CRIM1: variants seen among roughly 807,000 people sequenced by gnomAD.
The protein encoded by CRIM1 is cysteine rich transmembrane BMP regulator 1, also known as cysteine-rich motor neuron 1 protein.
In CRIM1, 32 loss-of-function variants were observed where a neutral mutation model predicts 116.4. The observed-to-expected ratio is 0.27, with a 90% CI of 0.21 to 0.37. The LOEUF is 0.37. Ranked by LOEUF, CRIM1 falls within the 10% of genes least tolerant of loss-of-function variation. CRIM1 has a pLI of 1.00. For synonymous variants in CRIM1, 590 were observed against 509.2 expected (o/e 1.16, Z -2.13); for missense variants, 1,331 against 1,354.8 (o/e 0.98, Z 0.28).
chr2:36,445,518 A>T (rs1179502), intron 4 of CRIM1, among the ~76,000 whole-genome samples: 106,831 of 152,150 alleles, frequency 0.7, 37,633 homozygotes, highest in East Asian at 0.9. Context: ...ACTTTCATAC[A>T]TTGTTACTGA....
At chr2:36,540,452 G>A (rs1666870263) in intron 14 of CRIM1, among the ~76,000 whole-genome samples, 1 of 152,188 alleles carries the variant, frequency 6.6e-6, no homozygotes, top group African/African-American at 2.4e-5. Context: ...AAGGACAGAT[G>A]TGCTGTCTTC....
intron 5 of CRIM1, among the ~76,000 whole-genome samples, chr2:36,470,053 C>T (rs917756480): frequency 1.3e-5 from 2 of 152,076 alleles, no homozygotes; most frequent in African/African-American, 4.8e-5. Flanking sequence ...TTAGCAAGAC[C>T]AGATATTTAT....
At chr2:36,501,847 G>T (rs894059232) in intron 8 of CRIM1, among the ~76,000 whole-genome samples, 9 of 152,166 alleles carry the variant, frequency 5.9e-5, no homozygotes, top group African/African-American at 9.7e-5. Flanking sequence ...GTTCGGGGAA[G>T]GGTCAGTCCC....
chr2:36,459,398 G>C (rs992953027), intron 4 of CRIM1, among the ~76,000 whole-genome samples: 2 of 152,000 alleles, frequency 1.3e-5, no homozygotes, highest in African/African-American at 4.8e-5. Context: ...AACAATACAT[G>C]GTCTAACCCC....
chr2:36,414,645 A>T (rs2124824110), intron 2 of CRIM1, among the ~76,000 whole-genome samples: 1 of 152,344 alleles, frequency 6.6e-6, no homozygotes, highest in South Asian at 2.1e-4. Flanking sequence ...GAAAGGTAAG[A>T]AGGAGCTGGC....
rs559465903 is a variant in CRIM1 at position 36,367,400 on chromosome 2, A to G, written c.331+10777A>G. Among the ~76,000 whole-genome samples the G allele has an allele frequency of 5.3e-5, 8 of 152,336 alleles. No individual in the cohort carries two copies. In the Middle Eastern group the frequency reaches 0.024, roughly 453 times the overall value. On this transcript the variant is annotated intron_variant, in intron 1 of 16. Transcript: ENST00000280527. ...GTATGTGATAACATGATAAAGGAGAAAAAAACAGCCATGGCTTTTGAATCC... is the reference window on the plus strand; with the variant it reads ...GTATGTGATAACATGATAAAGGAGAGAAAAACAGCCATGGCTTTTGAATCC...
At chr2:36,546,814 C>CT (rs1667374665) in intron 15 of CRIM1, among the ~76,000 whole-genome samples, 170 bp from the exon 16 acceptor site, 1 of 136,402 alleles carries the variant, frequency 7.3e-6, no homozygotes, top group African/African-American at 2.8e-5. Flanking sequence ...AAGCGCTCTG[C>CT]TCTCTACTAA....
intron 1 of CRIM1, among the ~76,000 whole-genome samples, chr2:36,387,886 A>G (rs1273438758): frequency 6.7e-6 from 1 of 148,432 alleles, no homozygotes; most frequent in Non-Finnish European, 1.5e-5. Context: ...TAGATTTATT[A>G]TTTCCATCCT....
chr2:36,434,216 A>C (rs1451670008), intron 2 of CRIM1, among the ~76,000 whole-genome samples: 1 of 152,226 alleles, frequency 6.6e-6, no homozygotes, highest in Non-Finnish European at 1.5e-5. Context: ...GAATATAAGA[A>C]AGTTCCTCCT....
Position 36,549,474 on chromosome 2 carries a change from T to G in CRIM1, c.*773T>G, listed in dbSNP as rs1365074185. The G allele has an allele frequency of 1.8e-5, 1 of 56,946 alleles. No homozygotes were observed. The highest frequency in any genetic ancestry group is 3.5e-5 in the Non-Finnish European group (1 of 28,274). 3.5% of individuals were successfully genotyped at this position (56,946 alleles called of 1,614,324 possible). A position where few individuals can be genotyped will look rare whatever the true frequency, so the allele number is the denominator to read the frequency against. On this transcript the variant is annotated 3_prime_UTR_variant, in exon 17 of 17. Coordinates refer to ENST00000280527, the MANE Select transcript of CRIM1 (RefSeq NM_016441.3). ...CATTTCTTGATGTGAGCACTGGAGC[T>G]TTTTTTTTTTTACAACGTGACAGGA...
chr2:36,490,644 G>A (rs1680162666), intron 7 of CRIM1, among the ~76,000 whole-genome samples: 1 of 152,084 alleles, frequency 6.6e-6, no homozygotes, highest in African/African-American at 2.4e-5. Flanking sequence ...GCCTCTGACT[G>A]GAATTTTGAC....
intron 14 of CRIM1, among the ~76,000 whole-genome samples, chr2:36,543,301 A>G (rs953224385): frequency 3.9e-5 from 6 of 152,132 alleles, no homozygotes; most frequent in African/African-American, 1.2e-4. Context: ...TCTCTTCTCT[A>G]TCACTTTCCT....
intron 5 of CRIM1, among the ~76,000 whole-genome samples, chr2:36,467,086 T>A (rs1011273711): frequency 6.6e-6 from 1 of 152,182 alleles, no homozygotes; most frequent in African/African-American, 2.4e-5. Context: ...TTGCCACTTA[T>A]TATAGAGCCC....
chr2:36,492,843 AC>A (rs1426158975), intron 7 of CRIM1, among the ~76,000 whole-genome samples: 1 of 151,776 alleles, frequency 6.6e-6, no homozygotes, highest in Non-Finnish European at 1.5e-5. Context: ...GCCCCCTCCA[AC>A]CCCCCAATCC....
At chr2:36,386,441 C>G (rs940167585) in intron 1 of CRIM1, among the ~76,000 whole-genome samples, 2 of 152,134 alleles carry the variant, frequency 1.3e-5, no homozygotes, top group Non-Finnish European at 1.5e-5. Context: ...TAATATTTCA[C>G]AAGTAGGAAG....
At chr2:36,382,728 C>A (rs1198001180) in intron 1 of CRIM1, among the ~76,000 whole-genome samples, 1 of 152,216 alleles carries the variant, frequency 6.6e-6, no homozygotes, top group Non-Finnish European at 1.5e-5. Context: ...AGGGGTGCAT[C>A]TTCTGGTCTG....
intron 13 of CRIM1, 45 bp downstream of exon 13, chr2:36,522,358 C>G (rs1265887263): frequency 7.0e-7 from 1 of 1,429,706 alleles, no homozygotes; most frequent in Non-Finnish European, 9.9e-7. Flanking sequence ...CCAGTTGTCA[C>G]TAAATCTGTA....
intron 7 of CRIM1, among the ~76,000 whole-genome samples, 161 bp from the exon 8 acceptor site, chr2:36,499,058 T>TTCAG (rs1340362928): frequency 1.3e-5 from 2 of 152,228 alleles, no homozygotes; most frequent in Admixed American, 6.5e-5. Context: ...ATATATCTGT[T>TTCAG]TCAGGGGTTA....
chr2:36,474,182 A>G (rs1196241681), intron 5 of CRIM1, among the ~76,000 whole-genome samples: 4 of 152,132 alleles, frequency 2.6e-5, no homozygotes, highest in Admixed American at 6.6e-5. Flanking sequence ...CGTTTTGATT[A>G]GATTATTTTT....
Sources: gnomAD v4.1 joint callset for allele counts (sites outside exome capture counted in the v4.1 genomes callset) on GRCh38, gnomAD v4.1.1 for gene constraint, MANE v1.5 for transcripts, NCBI Gene and HGNC (gene_info 2026-07-23, HGNC 2026-07-21) for gene names.